TET3: variants seen among roughly 807,000 people sequenced by gnomAD.
The protein encoded by TET3 is methylcytosine dioxygenase TET3.
A neutral mutation model predicts 141.4 loss-of-function variants in TET3; 19 were observed. That is an observed-to-expected ratio of 0.13 (90% CI 0.09 to 0.20). The LOEUF (loss-of-function observed/expected upper bound fraction) is 0.20, where lower values mean the gene tolerates loss of function less well. Ranked by LOEUF, TET3 falls within the 10% of genes least tolerant of loss-of-function variation. The pLI is 1.00. For missense variants in TET3, 1,874 were observed against 2,356.9 expected, an observed-to-expected ratio of 0.80 and a Z score of 4.24; for synonymous variants, 1,043 against 980.9, an observed-to-expected ratio of 1.06 and a Z score of -1.18.
chr2:74,073,462 A>ATTAAC, intron 4 of TET3, 87 bp from the exon 5 acceptor site: 1 of 1,004,764 alleles, frequency 1.0e-6, no homozygotes. Flanking sequence ...TAGCATGCCT[A>ATTAAC]TTAACTTTCC....
intron 5 of TET3, 85 bp from the exon 6 acceptor site, chr2:74,080,413 A>G: frequency 8.4e-7 from 1 of 1,194,874 alleles, no homozygotes; most frequent in Non-Finnish European, 1.2e-6. Flanking sequence ...CTCAAACAAA[A>G]GCACACTGAG....
chr2:74,035,706 G>C, intron 3 of TET3, among the ~76,000 whole-genome samples: 1 of 151,974 alleles, frequency 6.6e-6, no homozygotes, highest in Non-Finnish European at 1.5e-5. Context: ...CAGCCTGGGC[G>C]ACAGAGTGAG....
chr2:74,036,446 G>A (rs901158131), intron 3 of TET3, among the ~76,000 whole-genome samples: 1 of 152,212 alleles, frequency 6.6e-6, no homozygotes, highest in Non-Finnish European at 1.5e-5. Context: ...CAGGTTGTTT[G>A]TAATTCTCTG....
chr2:74,135,071 TCAAA>T, the TET3 span: 1 of 219,300 alleles, frequency 4.6e-6, no homozygotes, highest in African/African-American at 2.3e-5. Context: ...TGGAGGATCT[TCAAA>T]CACAGGAAAA....
chr2:74,128,569 C>T, the TET3 span, among the ~76,000 whole-genome samples: 8 of 151,988 alleles, frequency 5.3e-5, no homozygotes, highest in Admixed American at 6.6e-5. Context: ...CCCATACTAA[C>T]GTAAGATGTG....
intron 3 of TET3, among the ~76,000 whole-genome samples, chr2:74,022,928 A>G (rs980226271): frequency 6.6e-6 from 1 of 152,184 alleles, no homozygotes; most frequent in South Asian, 2.1e-4. Context: ...GGCACTCGCC[A>G]TCACGCCTGG....
chr2:74,004,328 G>A (rs1685037406), intron 3 of TET3, among the ~76,000 whole-genome samples: 1 of 152,116 alleles, frequency 6.6e-6, no homozygotes, highest in African/African-American at 2.4e-5. Context: ...TTCTCTTCCC[G>A]CCCCCTGGGA....
At chr2:74,075,549 G>A (rs1016409771) in intron 5 of TET3, among the ~76,000 whole-genome samples, 4 of 151,600 alleles carry the variant, frequency 2.6e-5, no homozygotes, top group Non-Finnish European at 5.9e-5. Flanking sequence ...GGCTGGTCTC[G>A]AACTCCTGAC....
chr2:73,988,851 G>T (rs979802807), intron 2 of TET3, among the ~76,000 whole-genome samples: 1 of 150,814 alleles, frequency 6.6e-6, no homozygotes, highest in Admixed American at 6.6e-5. Flanking sequence ...TCTACTTCTC[G>T]ATGTTTAAAA....
At chr2:74,023,863 T>A (rs1686200078) in intron 3 of TET3, among the ~76,000 whole-genome samples, 1 of 151,872 alleles carries the variant, frequency 6.6e-6, no homozygotes, top group African/African-American at 2.4e-5. Context: ...TTTGTTTGTT[T>A]TATTGGTTTT....
chr2:74,079,479 A>G (rs1689689815), intron 5 of TET3, among the ~76,000 whole-genome samples: 1 of 152,210 alleles, frequency 6.6e-6, no homozygotes, highest in Non-Finnish European at 1.5e-5. Flanking sequence ...ACCTGAAACT[A>G]AAAAACTGTT....
intron 8 of TET3, among the ~76,000 whole-genome samples, chr2:74,091,560 G>A (rs1234999485): frequency 6.6e-6 from 1 of 152,264 alleles, no homozygotes; most frequent in African/African-American, 2.4e-5. Flanking sequence ...TGTGCTGGTG[G>A]CAGCATCTGG....
intron 4 of TET3, among the ~76,000 whole-genome samples, chr2:74,071,947 G>T (rs1010047422): frequency 2.0e-5 from 3 of 152,100 alleles, no homozygotes; most frequent in Admixed American, 6.5e-5. Context: ...TGAGCTTCAC[G>T]TAAAATTAAC....
chr2:74,100,473 T>G lies in TET3; in HGVS notation c.3685T>G (p.Phe1229Val). The G allele has an allele frequency of 6.3e-7, 1 of 1,593,552 alleles. No individual in the cohort carries two copies. The highest frequency in any genetic ancestry group is 1.1e-5 in the South Asian group (1 of 87,544). The change falls in exon 12 of 12, where the codon TTC (phenylalanine) becomes GTC (valine). Residue 1229 changes from phenylalanine to valine, a missense_variant. Physicochemically the swap from Phe to Val is conservative, Grantham distance 50. Coordinates refer to ENST00000409262, the MANE Select transcript of TET3 (RefSeq NM_001287491.2). ...KVEPQNHFSS[F>V]KYSGNAVVES... ...GGAGCCGCAGAACCACTTCAGCTCC[T>G]TCAAGTACAGCGGCAACGCGGTGGT...
Position 74,047,809 on chromosome 2 carries a change from G to A in TET3, c.1892G>A (p.Gly631Glu). The A allele has an allele frequency of 2.5e-6, 4 of 1,613,390 alleles. No individual in the cohort carries two copies. Among genetic ancestry groups the A allele is most frequent in the South Asian group, 1.1e-5 (1 of 90,970 alleles). Residue 631 changes from glycine (G) to glutamate (E), a missense_variant, in exon 4 of 12, where the codon GGG becomes GAG. Around this residue, in one of 10 missense-constraint regions of TET3, gnomAD observed 484 missense variants for 462.2 expected, o/e 1.05. Coordinates refer to ENST00000409262, the MANE Select transcript of TET3 (RefSeq NM_001287491.2). ...FPPVRQIVLE[G>E]LRSPASQEVQ... ...CCTGTCCGACAGATTGTCCTGGAAG[G>A]GCTTAGGTCCCCAGCCTCCCAGGAA... is the stretch of plus-strand genomic sequence containing the variant.
At chr2:74,037,481 T>C in intron 3 of TET3, among the ~76,000 whole-genome samples, 1 of 152,194 alleles carries the variant, frequency 6.6e-6, no homozygotes, top group Non-Finnish European at 1.5e-5. Flanking sequence ...TCAGAGTAGC[T>C]GAGCTGGTGG....
intron 2 of TET3, among the ~76,000 whole-genome samples, chr2:74,000,133 T>G (rs1424690591): frequency 6.6e-6 from 1 of 152,062 alleles, no homozygotes; most frequent in African/African-American, 2.4e-5. Flanking sequence ...TGGGAGTAGA[T>G]CACAGTTCAG....
intron 4 of TET3, among the ~76,000 whole-genome samples, chr2:74,066,312 A>G (rs533952905): frequency 1.3e-5 from 2 of 152,362 alleles, no homozygotes; most frequent in African/African-American, 4.8e-5. Context: ...TAAGTACCGT[A>G]TATAACATTT....
chr2:73,985,532 G>A (rs1185345385), intron 1 of TET3, among the ~76,000 whole-genome samples: 1 of 146,740 alleles, frequency 6.8e-6, no homozygotes, highest in East Asian at 2.0e-4. Context: ...CGCGGCGGGC[G>A]CGGGCTGCCC....
Sources: gnomAD v4.1 joint callset for allele counts (sites outside exome capture counted in the v4.1 genomes callset) on GRCh38, gnomAD v4.1.1 for gene constraint, gnomAD v4.1.1 regional missense constraint, MANE v1.5 for transcripts, NCBI Gene and HGNC (gene_info 2026-07-23, HGNC 2026-07-21) for gene names.